Variants in GRIK1 observed in about 807,000 individuals in gnomAD.
The protein encoded by GRIK1 is glutamate ionotropic receptor kainate type subunit 1.
Under a neutral mutation model 105.7 loss-of-function variants are expected in GRIK1, and 69 were observed. The observed-to-expected ratio is 0.65, with a 90% CI of 0.54 to 0.80. The LOEUF is 0.80. Among genes scored for constraint, GRIK1 ranks in the 30% least tolerant of loss-of-function variants. GRIK1 has a pLI of 0.00. For synonymous variants in GRIK1, 438 were observed against 431.3 expected (o/e 1.02, Z -0.19); for missense variants, 1,109 against 1,167.3 (o/e 0.95, Z 0.73).
In GRIK1 at chr21:29,621,593, G is replaced by A. The variant is rs570903755; in HGVS notation, c.1098+21233C>T. Reference sequence around the variant, plus strand: ...TAGTGTGATCATCTAGTTCTGATTTGCCCAGTATTATCTAGATTTTAAAAT... The same window carrying A: ...TAGTGTGATCATCTAGTTCTGATTTACCCAGTATTATCTAGATTTTAAAAT... On this transcript the variant is annotated intron_variant, in intron 7 of 17. Transcript: ENST00000327783. Among the ~76,000 whole-genome samples, 10 of 152,170 alleles carry A rather than the reference G, an allele frequency of 6.6e-5. No individual in the cohort carries two copies. In the South Asian group the frequency reaches 2.1e-3, roughly 32 times the overall value.
intron 7 of GRIK1, among the ~76,000 whole-genome samples, chr21:29,605,963 T>C (rs1016327057): frequency 5.9e-5 from 9 of 151,974 alleles, no homozygotes; most frequent in African/African-American, 9.7e-5. Context: ...AAAAAAATTG[T>C]TTTTAAGTGA....
intron 1 of GRIK1, among the ~76,000 whole-genome samples, chr21:29,821,366 T>A (rs990347197): frequency 1.3e-5 from 2 of 152,088 alleles, no homozygotes; most frequent in African/African-American, 4.8e-5. Flanking sequence ...ATCAAGCAAT[T>A]CAACTTTTTC....
intron 1 of GRIK1, among the ~76,000 whole-genome samples, chr21:29,699,043 A>G (rs974347729): frequency 2.0e-5 from 3 of 152,188 alleles, no homozygotes; most frequent in African/African-American, 7.2e-5. Flanking sequence ...GGTACAAATA[A>G]TGCTGATGCT....
chr21:29,924,774 G>GA (rs2071304563), intron 1 of GRIK1, among the ~76,000 whole-genome samples: 1 of 152,114 alleles, frequency 6.6e-6, no homozygotes, highest in African/African-American at 2.4e-5. Flanking sequence ...TAGAGGTGAG[G>GA]TGGTCTTCTA....
intron 1 of GRIK1, among the ~76,000 whole-genome samples, chr21:29,931,426 C>G (rs2300333): frequency 0.68 from 103,826 of 151,918 alleles, 35,701 homozygotes; most frequent in East Asian, 0.83. Context: ...GGAGGAAGAC[C>G]AGATAGGTAA....
chr21:29,787,911 C>T (rs775939457), intron 1 of GRIK1, among the ~76,000 whole-genome samples: 2 of 152,120 alleles, frequency 1.3e-5, no homozygotes, highest in African/African-American at 4.8e-5. Context: ...TCATTTTGTT[C>T]CTCGTTTATC....
In GRIK1 at chr21:29,554,800, C is replaced by T. The variant is rs2090206499; in HGVS notation, c.2607+252G>A. ...CAAAAATTAACTGAGTTTGGAATTT[C>T]TGCACTGTCTTTCCAAATAATGCTA... On this transcript the variant is annotated intron_variant, in intron 16 of 17. Transcript: ENST00000327783. Among the ~76,000 whole-genome samples the T allele has an allele frequency of 2.0e-5, 3 of 152,114 alleles. 1 individual carries two copies. Among genetic ancestry groups the T allele is most frequent in the Admixed American group, 2.0e-4 (3 of 15,266 alleles).
intron 1 of GRIK1, among the ~76,000 whole-genome samples, chr21:29,832,957 G>A (rs2067684480): frequency 8.0e-6 from 1 of 125,518 alleles, no homozygotes; most frequent in Admixed American, 8.7e-5. Flanking sequence ...TGCTCACAAA[G>A]ACAAACATAG....
intron 1 of GRIK1, among the ~76,000 whole-genome samples, chr21:29,861,275 A>G (rs1193673855): frequency 6.6e-6 from 1 of 151,684 alleles, no homozygotes; most frequent in Non-Finnish European, 1.5e-5. Context: ...GTCTTTCATC[A>G]TTAAGATGAT....
intron 3 of GRIK1, among the ~76,000 whole-genome samples, chr21:29,680,423 C>T (rs556553401): frequency 6.6e-6 from 1 of 152,342 alleles, no homozygotes; most frequent in South Asian, 2.1e-4. Flanking sequence ...GTATTGCCTC[C>T]ATCTCTTCCC....
chr21:29,938,946 G>C (rs994875222), intron 1 of GRIK1, among the ~76,000 whole-genome samples: 1 of 152,024 alleles, frequency 6.6e-6, no homozygotes, highest in Non-Finnish European at 1.5e-5. Flanking sequence ...CTTGAGATTC[G>C]TGCATACTTG....
rs992762886 is a variant in GRIK1, at chr21:29,654,814, G to A, written c.776C>T (p.Thr259Ile). The change falls in exon 5 of 18, where the codon ACC becomes ATC. Residue 259 changes from threonine (T) to isoleucine (I), a missense_variant. Around this residue, in one of 5 missense-constraint regions of GRIK1, gnomAD observed 612 missense variants for 586.0 expected, o/e 1.04. Coordinates refer to ENST00000327783, the MANE Select transcript of GRIK1 (RefSeq NM_001330994.2). ...ATTTCTCCCAGATGCACTTACCAGG[G>A]TTGTGAAAAAGTAGTGATAGTACTC... ...MTEYYHYFFTTLDLFALDLEL... is the reference protein window; with the variant it reads ...MTEYYHYFFTILDLFALDLEL... 1.0e-5 allele frequency: 16 copies of A among 1,552,616 alleles called. No homozygotes were observed. The highest frequency in any genetic ancestry group is 1.4e-5 in the Non-Finnish European group (16 of 1,123,884).
chr21:29,904,619 C>A (rs1055890391), intron 1 of GRIK1, among the ~76,000 whole-genome samples: 17 of 152,196 alleles, frequency 1.1e-4, no homozygotes, highest in Admixed American at 3.3e-4. Flanking sequence ...AATGATTTTA[C>A]ATGTGCTAGT....
At chr21:29,591,397 G>A (rs2061332272) in intron 9 of GRIK1, among the ~76,000 whole-genome samples, 172 bp from the exon 10 acceptor site, 2 of 152,324 alleles carry the variant, frequency 1.3e-5, no homozygotes, top group African/African-American at 2.4e-5. Context: ...GAATGAATGT[G>A]TAGACAAAAT....
chr21:29,651,295 C>A lies in GRIK1; in HGVS notation c.781-4G>T, dbSNP rs1464941308. 1 of 1,585,820 alleles carries A rather than the reference C, an allele frequency of 6.3e-7. No individual in the cohort carries two copies. The highest frequency in any genetic ancestry group is 8.6e-7 in the Non-Finnish European group (1 of 1,162,796). ...CCAGATCCAAAGCAAATAAGTCCTG[C>A]ATAGTATCAAAAAGGATAACAGTGG... On this transcript the variant is annotated splice_polypyrimidine_tract_variant and splice_region_variant and intron_variant, in intron 5 of 17. Transcript: ENST00000327783.
intron 1 of GRIK1, among the ~76,000 whole-genome samples, chr21:29,715,311 G>C (rs144058178): frequency 2.1e-3 from 314 of 152,236 alleles, no homozygotes; most frequent in Admixed American, 4.1e-3. Context: ...ATCTGCTGAC[G>C]CAAGGCAGCT....
At chr21:29,705,178 A>C (rs1328817449) in intron 1 of GRIK1, among the ~76,000 whole-genome samples, 2 of 152,172 alleles carry the variant, frequency 1.3e-5, no homozygotes, top group Non-Finnish European at 2.9e-5. Context: ...AGAAGAAGAT[A>C]TTGCTGTTAA....
intron 1 of GRIK1, among the ~76,000 whole-genome samples, chr21:29,866,145 T>C (rs2068794340): frequency 6.6e-6 from 1 of 152,168 alleles, no homozygotes; most frequent in Non-Finnish European, 1.5e-5. Context: ...CTTTTCACTA[T>C]AACCTCAACC....
chr21:29,766,571 CA>C (rs2065673860), intron 1 of GRIK1, among the ~76,000 whole-genome samples: 1 of 152,188 alleles, frequency 6.6e-6, no homozygotes, highest in Non-Finnish European at 1.5e-5. Context: ...ATTCCACAGA[CA>C]AAATCAAAAC....
Sources: gnomAD v4.1 joint callset for allele counts (sites outside exome capture counted in the v4.1 genomes callset) on GRCh38, gnomAD v4.1.1 for gene constraint, gnomAD v4.1.1 regional missense constraint, MANE v1.5 for transcripts, NCBI Gene and HGNC (gene_info 2026-07-23, HGNC 2026-07-21) for gene names.